LRP1B: variants seen among roughly 807,000 people sequenced by gnomAD.
The protein encoded by LRP1B is LDL receptor related protein 1B.
Under a neutral mutation model 556.6 loss-of-function variants are expected in LRP1B, and 217 were observed. The ratio of observed to expected loss-of-function variants is 0.39; its 90% confidence interval spans 0.35 to 0.44. The LOEUF (loss-of-function observed/expected upper bound fraction) is 0.44. Among genes scored for constraint, LRP1B ranks in the 20% least tolerant of loss-of-function variants. The probability of loss-of-function intolerance (pLI) is 1.00; values close to 1 mark genes in which losing one functional copy is unlikely to be tolerated. For synonymous variants in LRP1B, 2,047 were observed against 1,865.8 expected (o/e 1.10, Z -2.50); for missense variants, 5,053 against 5,620.8 (o/e 0.90, Z 3.23).
At chr2:141,886,569 C>G (rs1289455916) in intron 1 of LRP1B, among the ~76,000 whole-genome samples, 2 of 152,162 alleles carry the variant, frequency 1.3e-5, no homozygotes, top group African/African-American at 4.8e-5. Context: ...ATAGAAATCT[C>G]TTGGTATCTA....
At position 141,624,036 on chromosome 2, in the gene LRP1B, C is replaced by CAAAAAAAAAAAAAAAAAAAAAAAAAAA; in HGVS notation, c.206-143504_206-143503insTTTTTTTTTTTTTTTTTTTTTTTTTTT. On this transcript the variant is annotated intron_variant, in intron 2 of 90. Transcript: ENST00000389484. The stretch of plus-strand genomic sequence containing the variant: ...AACTCAAAAAAAAAAAAAAATTAAA[C>CAAAAAAAAAAAAAAAAAAAAAAAAAAA]AAAAAAAAAAAGAAAAGAAAAAAAA... Among the ~76,000 whole-genome samples the CAAAAAAAAAAAAAAAAAAAAAAAAAAA allele has an allele frequency of 3.1e-3, 284 of 90,626 alleles. 4 individuals are homozygous for CAAAAAAAAAAAAAAAAAAAAAAAAAAA. The highest frequency in any genetic ancestry group is 6.3e-3 in the East Asian group (17 of 2,710). 59.5% of individuals were successfully genotyped at this position (90,626 alleles called of 152,430 possible).
chr2:140,616,182 T>C (rs1366832088), intron 41 of LRP1B, among the ~76,000 whole-genome samples: 1 of 151,994 alleles, frequency 6.6e-6, no homozygotes, highest in Non-Finnish European at 1.5e-5. Context: ...CCTGTAGTTA[T>C]TAGCAGTCAG....
At chr2:142,063,373 G>T (rs185554415) in intron 1 of LRP1B, among the ~76,000 whole-genome samples, 1 of 151,464 alleles carries the variant, frequency 6.6e-6, no homozygotes, top group South Asian at 2.1e-4. Flanking sequence ...CTTTTGCATC[G>T]AAGATACTCT....
intron 3 of LRP1B, among the ~76,000 whole-genome samples, chr2:141,441,108 GCT>G (rs1680948313): frequency 6.6e-6 from 1 of 151,152 alleles, no homozygotes; most frequent in Non-Finnish European, 1.5e-5. Flanking sequence ...TCGGAGTCTT[GCT>G]CTGTTGCCTA....
At chr2:142,090,086 C>A (rs1706105531) in intron 1 of LRP1B, among the ~76,000 whole-genome samples, 1 of 152,072 alleles carries the variant, frequency 6.6e-6, no homozygotes, top group Non-Finnish European at 1.5e-5. Flanking sequence ...TTTCTCTTTT[C>A]ATATTATATT....
chr2:141,734,875 CG>C (rs1228918739), intron 2 of LRP1B, among the ~76,000 whole-genome samples: 1 of 152,016 alleles, frequency 6.6e-6, no homozygotes, highest in African/African-American at 2.4e-5. Context: ...CAACTGGAGC[CG>C]TTTGAAAAGA....
At chr2:141,565,530 T>C (rs1331766384) in intron 2 of LRP1B, among the ~76,000 whole-genome samples, 1 of 152,166 alleles carries the variant, frequency 6.6e-6, no homozygotes, top group Non-Finnish European at 1.5e-5. Flanking sequence ...TGGGATGCAA[T>C]AAAGATTTTA....
intron 17 of LRP1B, among the ~76,000 whole-genome samples, chr2:140,983,368 A>G (rs11898300): frequency 0.11 from 16,224 of 152,078 alleles, 1,070 homozygotes; most frequent in African/African-American, 0.18. Flanking sequence ...ATCAGTGGCT[A>G]CAATAAGGGA....
intron 1 of LRP1B, among the ~76,000 whole-genome samples, chr2:141,861,767 T>G (rs2105788079): frequency 6.6e-6 from 1 of 152,042 alleles, no homozygotes; most frequent in East Asian, 1.9e-4. Flanking sequence ...CCATCTCTAC[T>G]AAAAATACAA....
At chr2:141,795,860 ATATATAT>A (rs1558880750) in intron 2 of LRP1B, among the ~76,000 whole-genome samples, 2,551 of 69,304 alleles carry the variant, frequency 0.037, 134 homozygotes, top group Middle Eastern at 0.068. Flanking sequence ...CAGGAGCAAT[ATATATAT>A]ATATATATAT....
chr2:141,755,992 TAA>T (rs1483142729), intron 2 of LRP1B, among the ~76,000 whole-genome samples: 1 of 51,470 alleles, frequency 1.9e-5, no homozygotes, highest in Non-Finnish European at 4.4e-5. Flanking sequence ...AGAAAAAAGA[TAA>T]AGTAAACAAA....
In LRP1B at chr2:140,745,058, A is replaced by G. The variant is rs76052395; in HGVS notation, c.5758+24155T>C. On this transcript the variant is annotated intron_variant, in intron 35 of 90. Coordinates refer to ENST00000389484, the MANE Select transcript of LRP1B (RefSeq NM_018557.3). ...ATGTATCATTACTTTAAAAACAGAAAAGGAAATTAGCCTGGTAGTAGAACA... is the reference window on the plus strand; with the variant it reads ...ATGTATCATTACTTTAAAAACAGAAGAGGAAATTAGCCTGGTAGTAGAACA... Among the ~76,000 whole-genome samples the G allele has an allele frequency of 1.4e-4, 22 of 152,296 alleles. No individual in the cohort carries two copies. The East Asian group carries it at 4.2e-3, about 29-fold the overall frequency.
intron 1 of LRP1B, among the ~76,000 whole-genome samples, chr2:142,107,636 TTGTTG>T (rs948740753): frequency 5.3e-5 from 8 of 151,998 alleles, no homozygotes; most frequent in African/African-American, 1.7e-4. Context: ...TTGTTTTGTT[TTGTTG>T]TTTTGAGACA....
intron 1 of LRP1B, among the ~76,000 whole-genome samples, chr2:142,105,129 C>G (rs1706700962): frequency 6.6e-6 from 1 of 152,136 alleles, no homozygotes; most frequent in South Asian, 2.1e-4. Flanking sequence ...GGAAAGGCTA[C>G]TGAACAAACC....
rs371739662 is a variant in LRP1B at position 142,085,649 on chromosome 2, A to G, written c.82+44999T>C. Among the ~76,000 whole-genome samples the G allele has an allele frequency of 3.5e-4, 54 of 152,190 alleles. No individual in the cohort carries two copies. The East Asian group carries it at 7.9e-3, about 22-fold the overall frequency. ...AAAAAGGTATCCAATAGAAATGTCC[A>G]TCTTCGTGTGTGTGTATGTGTATGA... On this transcript the variant is annotated intron_variant, in intron 1 of 90. Coordinates refer to ENST00000389484, the MANE Select transcript of LRP1B (RefSeq NM_018557.3).
intron 1 of LRP1B, among the ~76,000 whole-genome samples, chr2:141,865,471 A>G (rs931339915): frequency 1.5e-4 from 23 of 149,656 alleles, no homozygotes; most frequent in Non-Finnish European, 2.7e-4. Flanking sequence ...GGGCGCCTGT[A>G]GTCCCAGCTA....
chr2:141,804,795 A>G (rs12616665), intron 2 of LRP1B, among the ~76,000 whole-genome samples: 29,882 of 151,942 alleles, frequency 0.2, 3,333 homozygotes, highest in East Asian at 0.39. Flanking sequence ...AGGTACTACC[A>G]TTTCCATTGT....
At chr2:141,067,602 C>T (rs112307440) in intron 7 of LRP1B, among the ~76,000 whole-genome samples, 74 of 152,116 alleles carry the variant, frequency 4.9e-4, no homozygotes, top group African/African-American at 1.7e-3. Context: ...ACTCGTTGAA[C>T]GTCCTTATTT....
intron 3 of LRP1B, among the ~76,000 whole-genome samples, chr2:141,300,152 T>G (rs1164141944): frequency 6.6e-6 from 1 of 152,180 alleles, no homozygotes; most frequent in African/African-American, 2.4e-5. Context: ...AGCACTCTGA[T>G]CTTCGACTTC....
Sources: allele counts gnomAD v4.1 joint callset (sites outside exome capture counted in the v4.1 genomes callset), GRCh38; gene constraint gnomAD v4.1.1; transcripts MANE v1.5; gene names NCBI Gene and HGNC (gene_info 2026-07-23, HGNC 2026-07-21).